Variants in TIMELESS observed in about 807,000 individuals in gnomAD.
TIMELESS encodes the protein timeless circadian regulator.
TIMELESS carries 124 observed loss-of-function variants against 164.3 expected under a neutral mutation model. The ratio of observed to expected loss-of-function variants is 0.75; its 90% CI spans 0.65 to 0.88. The LOEUF (loss-of-function observed/expected upper bound fraction) is 0.88, where lower values mean the gene tolerates loss of function less well. Ranked by LOEUF, TIMELESS falls within the 40% of genes least tolerant of loss-of-function variation. The probability of loss-of-function intolerance (pLI) is 0.00; values close to 1 mark genes in which losing one functional copy is unlikely to be tolerated. For synonymous variants in TIMELESS, 564 were observed against 563.4 expected (o/e 1.00, Z -0.02); for missense variants, 1,422 against 1,491.4 (o/e 0.95, Z 0.77).
At chr12:56,444,145 C>T (rs1054696540) in intron 1 of TIMELESS, among the ~76,000 whole-genome samples, 4 of 152,152 alleles carry the variant, frequency 2.6e-5, no homozygotes, top group Non-Finnish European at 5.9e-5. Flanking sequence ...ATCCACCTGC[C>T]TCGGCCTCCC....
chr12:56,416,668 T>A lies in TIMELESS; in HGVS notation c.*1048A>T, dbSNP rs1399694597. 6.6e-6 allele frequency: 1 copy of A among 152,104 alleles called. No individual in the cohort carries two copies. Among genetic ancestry groups the A allele is most frequent in the Non-Finnish European group, 1.5e-5 (1 of 68,012 alleles). The allele number at this position is 152,104 out of a possible 1,614,324, so 9.4% of individuals were successfully genotyped here. ...AGACAAAAGGATCTAGAGGCAAAAA[T>A]GCTTTTCTGTGTCTTCTGTAGGGAA... is the stretch of plus-strand genomic sequence containing the variant. On this transcript the variant is annotated 3_prime_UTR_variant, in exon 29 of 29. Coordinates refer to ENST00000553532, the MANE Select transcript of TIMELESS (RefSeq NM_003920.5).
rs982429759 is a variant in TIMELESS, at chr12:56,424,773, C to G, written c.1857G>C (p.Leu619=). 6.2e-7 allele frequency: 1 copy of G among 1,614,100 alleles called. No homozygotes were observed. Among genetic ancestry groups the G allele is most frequent in the Non-Finnish European group, 8.5e-7 (1 of 1,180,006 alleles). ...AGQAPQALTL[L]RSAREVWPEG... ...GGCAGGGTTCTTACCGAGCAGACCT[C>G]AGGAGAGTCAGGGCCTGTGGGGCCT... The change falls in exon 15 of 29, where the codon CTG becomes CTC. Residue 619 remains leucine, a synonymous_variant. Coordinates refer to ENST00000553532, the MANE Select transcript of TIMELESS (RefSeq NM_003920.5).
chr12:56,434,301 C>A lies in TIMELESS; in HGVS notation c.-61-70G>T, dbSNP rs1349367283. The A allele has an allele frequency of 1.7e-5, 12 of 714,664 alleles. No individual in the cohort carries two copies. The Middle Eastern group carries it at 1.5e-3, about 90-fold the overall frequency. 44.3% of individuals were successfully genotyped at this position (714,664 alleles called of 1,614,324 possible). A position where few individuals can be genotyped will look rare whatever the true frequency, so the allele number is the denominator to read the frequency against. ...AAAAGAAGATAGGAACAGGACGAGG[C>A]CCTAATGCTCAGAATATTCTGAACA... is the stretch of plus-strand genomic sequence containing the variant. On this transcript the variant is annotated intron_variant, in intron 1 of 28. Transcript: ENST00000553532.
Position 56,430,968 on chromosome 12 carries a change from C to T in TIMELESS, c.822G>A (p.Arg274=), listed in dbSNP as rs1172633111. 1.3e-6 allele frequency: 2 copies of T among 1,571,968 alleles called. No individual in the cohort carries two copies. Among genetic ancestry groups the T allele is most frequent in the South Asian group, 1.2e-5 (1 of 84,858 alleles). The change falls in exon 9 of 29, where the codon AGG becomes AGA. Residue 274 remains arginine, a splice_region_variant and synonymous_variant. Transcript: ENST00000553532. ...TATAGGAGCCCCCAAATCGAGAATG[C>T]CTGCAGAAACAAAAAGGTCCAAGGT... The part of the protein sequence containing the change: ...KKTRALQRGN[R]HSRFGGSYIV...
At chr12:56,437,220 C>T (rs1475901594) in intron 1 of TIMELESS, among the ~76,000 whole-genome samples, 2 of 152,150 alleles carry the variant, frequency 1.3e-5, no homozygotes, top group African/African-American at 2.4e-5. Flanking sequence ...TGAGCCACTG[C>T]GCCCAGCCAA....
rs1746211410 is a variant in TIMELESS, at chr12:56,446,562, G to A, written c.-62+2748C>T. ...AGACTCTGTGCAGGCCAGGCGCAGT[G>A]GCTCATGCCTGTAATCCCAGCACTT... On this transcript the variant is annotated intron_variant, in intron 1 of 28. Coordinates refer to ENST00000553532, the MANE Select transcript of TIMELESS (RefSeq NM_003920.5). 2.0e-5 allele frequency among the ~76,000 whole-genome samples: 3 copies of A among 152,034 alleles called. No individual in the cohort carries two copies. The South Asian group carries it at 6.2e-4, about 32-fold the overall frequency.
chr12:56,422,815 C>G (rs777761215), intron 19 of TIMELESS, 32 bp downstream of exon 19: 1 of 1,505,656 alleles, frequency 6.6e-7, no homozygotes, highest in South Asian at 1.2e-5. Context: ...CTTCCCCTAC[C>G]CCCACCCACC....
chr12:56,422,811 CTA>C, intron 19 of TIMELESS, 34 bp downstream of exon 19: 18 of 1,457,354 alleles, frequency 1.2e-5, no homozygotes, highest in Non-Finnish European at 1.5e-5. Flanking sequence ...CAAACTTCCC[CTA>C]CCCCCACCCA....
At chr12:56,422,685 C>A (rs555345097) in intron 19 of TIMELESS, among the ~76,000 whole-genome samples, 162 bp downstream of exon 19, 5 of 152,258 alleles carry the variant, frequency 3.3e-5, no homozygotes, top group Admixed American at 1.3e-4. Context: ...TCTTGGATAA[C>A]TTTAGGTAAA....
rs1881560397 is a variant in TIMELESS at position 56,423,348 on chromosome 12, C to T, written c.2218G>A (p.Ala740Thr). 1.2e-6 allele frequency: 2 copies of T among 1,614,054 alleles called. No homozygotes were observed. Among genetic ancestry groups the T allele is most frequent in the South Asian group, 1.1e-5 (1 of 91,078 alleles). The change falls in exon 18 of 29, where the codon GCC (alanine) becomes ACC (threonine). Residue 740 changes from alanine (A) to threonine (T), a missense_variant. Ala to Thr is a moderately conservative substitution (Grantham distance 58). Transcript: ENST00000553532. ...HRLAHDLKME[A>T]LLFQLSVFCL... ...AAGACTGACAGCTGAAAAAGTAGGG[C>T]TTCCATTTTGAGGTCATGGGCCAGC...
chr12:56,431,626 A>G (rs1258164880), intron 7 of TIMELESS, 22 bp from the exon 8 acceptor site: 5 of 1,605,008 alleles, frequency 3.1e-6, no homozygotes, highest in African/African-American at 1.3e-5. Flanking sequence ...CAAAGAGGGA[A>G]GAATCAGGAG....
At chr12:56,442,714 A>G (rs1226001935) in intron 1 of TIMELESS, among the ~76,000 whole-genome samples, 1 of 152,164 alleles carries the variant, frequency 6.6e-6, no homozygotes, top group Non-Finnish European at 1.5e-5. Flanking sequence ...ACGACCCTCT[A>G]TAGTGATATA....
In TIMELESS at chr12:56,421,397, C is replaced by A. The variant is rs368348620; in HGVS notation, c.2822G>T (p.Arg941Leu). The A allele has an allele frequency of 6.2e-7, 1 of 1,613,966 alleles. No individual in the cohort carries two copies. The highest frequency in any genetic ancestry group is 8.5e-7 in the Non-Finnish European group (1 of 1,180,022). Residue 941 changes from arginine to leucine, a missense_variant, in exon 23 of 29, where the codon CGG becomes CTG. Physicochemically the swap from Arg to Leu is moderately radical, Grantham distance 102. Coordinates refer to ENST00000553532, the MANE Select transcript of TIMELESS (RefSeq NM_003920.5). ...TTTCTGCCGTTTCTTGTACAGCTCC[C>A]GCCGCTCAGCCACCAGCCCCAGAGC... ...LLALGLVAER[R>L]ELYKKRQKKL...
chr12:56,428,077 T>C lies in TIMELESS; in HGVS notation c.1578+159A>G, dbSNP rs1424429119. ...TTATTCTAATGGGAGAAGGAAACTG[T>C]AGTAGACTCACACTGGCCAACACCC... On this transcript the variant is annotated intron_variant, in intron 13 of 28. Coordinates refer to ENST00000553532, the MANE Select transcript of TIMELESS (RefSeq NM_003920.5). Among the ~76,000 whole-genome samples, 5 of 152,336 alleles carry C rather than the reference T, an allele frequency of 3.3e-5. No individual in the cohort carries two copies. The East Asian group carries it at 9.6e-4, about 29-fold the overall frequency.
chr12:56,421,896 T>C lies in TIMELESS; in HGVS notation c.2642+3A>G. 1 of 1,614,100 alleles carries C rather than the reference T, an allele frequency of 6.2e-7. No individual in the cohort carries two copies. ...ATAGCCTCCAGAGCATGTGCCTCTC[T>C]ACCTTTGGAAGTCCTTGACACTGTC... On this transcript the variant is annotated splice_donor_region_variant and intron_variant, in intron 21 of 28. Coordinates refer to ENST00000553532, the MANE Select transcript of TIMELESS (RefSeq NM_003920.5).
chr12:56,420,046 A>ATG (rs1349817695), intron 26 of TIMELESS, among the ~76,000 whole-genome samples: 150 of 88,106 alleles, frequency 1.7e-3, no homozygotes, highest in Middle Eastern at 5.3e-3. Context: ...ATATATATAT[A>ATG]TATGTGTGTG....
At chr12:56,434,809 T>C (rs1011551019) in intron 1 of TIMELESS, among the ~76,000 whole-genome samples, 1 of 152,120 alleles carries the variant, frequency 6.6e-6, no homozygotes, top group Non-Finnish European at 1.5e-5. Context: ...CTCAGCATTT[T>C]AGGAGGCCAA....
intron 1 of TIMELESS, among the ~76,000 whole-genome samples, chr12:56,439,954 C>T (rs1358382519): frequency 6.6e-6 from 1 of 152,138 alleles, no homozygotes; most frequent in Non-Finnish European, 1.5e-5. Flanking sequence ...TCAAACACCA[C>T]AGAGCCAATG....
chr12:56,429,116 GA>G lies in TIMELESS; in HGVS notation c.1087-17del, dbSNP rs527566450. The stretch of plus-strand genomic sequence containing the variant: ...GCAGGTGATCCTGACATTTAAAAAA[GA>G]AAAAAAAAGATCACCATGACTCCAG... On this transcript the variant is annotated splice_polypyrimidine_tract_variant and intron_variant, in intron 10 of 28. Transcript: ENST00000553532. The G allele has an allele frequency of 3.9e-5, 62 of 1,576,644 alleles. No homozygotes were observed. The African/African-American group carries it at 6.4e-4, about 16-fold the overall frequency.
Sources: allele counts gnomAD v4.1 joint callset (sites outside exome capture counted in the v4.1 genomes callset), GRCh38; gene constraint gnomAD v4.1.1; transcripts MANE v1.5; gene names NCBI Gene and HGNC (gene_info 2026-07-23, HGNC 2026-07-21).